Variants in RPL3L observed in about 807,000 individuals in gnomAD.
RPL3L encodes ribosomal protein L3 like, also known as ribosomal protein uL3-like.
RPL3L carries 44 observed loss-of-function variants against 44.5 expected under a neutral mutation model. That is an observed-to-expected ratio of 0.99 (90% CI 0.78 to 1.27). The LOEUF (loss-of-function observed/expected upper bound fraction) is 1.27. Among genes scored for constraint, RPL3L ranks in the 50% most tolerant of loss-of-function variants. The pLI, the probability that RPL3L is intolerant of heterozygous loss-of-function variation, is 0.00. For synonymous variants in RPL3L, 292 were observed against 230.7 expected (o/e 1.27, Z -2.41); for missense variants, 631 against 569.1 (o/e 1.11, Z -1.11).
chr16:1,954,117 C>G lies in RPL3L; in HGVS notation c.35G>C (p.Gly12Ala). 1 of 1,597,986 alleles carries G rather than the reference C, an allele frequency of 6.3e-7. No individual in the cohort carries two copies. Among genetic ancestry groups the G allele is most frequent in the Non-Finnish European group, 8.5e-7 (1 of 1,173,124 alleles). Residue 12 changes from glycine (G) to alanine (A), a missense_variant, in exon 2 of 10, where the codon GGA becomes GCA. By Grantham distance (60) the Gly-to-Ala change is moderately conservative. Coordinates refer to ENST00000268661, the MANE Select transcript of RPL3L (RefSeq NM_005061.3). ...CTTATGGGGCAGGAAGCCCAGGTGT[C>G]CGTGCCGAGGGGCGGAAAACTTCCG... Reference protein sequence around the residue: ...SHRKFSAPRHGHLGFLPHKRS... With the variant: ...SHRKFSAPRHAHLGFLPHKRS...
At position 1,946,679 on chromosome 16, in the gene RPL3L, C is replaced by T; in HGVS notation, c.897G>A (p.Val299=). Residue 299 remains valine, a synonymous_variant, in exon 7 of 10, where the codon GTG becomes GTA. Transcript: ENST00000268661. The part of the protein sequence containing the change: ...RGPHMEDGKL[V]KNNASTSYDV... ...CGTAGCTGGTGGATGCATTGTTCTTCACCAGCTTCCCGTCCTCCATGTGCG... is the reference window on the plus strand; with the variant it reads ...CGTAGCTGGTGGATGCATTGTTCTTTACCAGCTTCCCGTCCTCCATGTGCG... The T allele has an allele frequency of 6.2e-7, 1 of 1,612,856 alleles. No homozygotes were observed. The highest frequency in any genetic ancestry group is 8.5e-7 in the Non-Finnish European group (1 of 1,179,990).
Position 1,954,048 on chromosome 16 carries a change from T to A in RPL3L, c.104A>T (p.Asp35Val). The change falls in exon 2 of 10, where the codon GAT becomes GTT. Residue 35 changes from aspartate to valine, a missense_variant. Asp to Val is a radical substitution (Grantham distance 152). Transcript: ENST00000268661. ...GAGGTGCACGGGCTGGCTGGGGTCA[T>A]CCCGCGGCCACGTCTTCACCTTGCC... Reference protein sequence around the residue: ...HRGKVKTWPRDDPSQPVHLTA... With the variant: ...HRGKVKTWPRVDPSQPVHLTA... 6 of 1,607,674 alleles carry A rather than the reference T, an allele frequency of 3.7e-6. No individual in the cohort carries two copies. Among genetic ancestry groups the A allele is most frequent in the Non-Finnish European group, 4.2e-6 (5 of 1,177,792 alleles).
chr16:1,952,850 G>A (rs749898362), intron 3 of RPL3L, 24 bp downstream of exon 3: 27 of 1,612,274 alleles, frequency 1.7e-5, no homozygotes, highest in Middle Eastern at 1.7e-4. Context: ...GCCCTTGGAC[G>A]GCCCAGCCAA....
intron 4 of RPL3L, among the ~76,000 whole-genome samples, chr16:1,947,669 T>C (rs1251218117): frequency 6.6e-6 from 1 of 152,078 alleles, no homozygotes; most frequent in Non-Finnish European, 1.5e-5. Context: ...GGGCTGGTGT[T>C]TCAGATACAG....
rs151040206 is a variant in RPL3L, at chr16:1,945,564, T to C, written c.1102A>G (p.Ile368Val). ...TGGCCGAACTTGGAGGTGGTGTCAATGAACTTGAGCTCAATATTCTCCACG... is the reference window on the plus strand; with the variant it reads ...TGGCCGAACTTGGAGGTGGTGTCAACGAACTTGAGCTCAATATTCTCCACG... ...QAVENIELKF[I>V]DTTSKFGHGR... is the part of the protein sequence containing the mutation. The change falls in exon 9 of 10, where the codon ATT becomes GTT. Residue 368 changes from isoleucine to valine, a missense_variant. Transcript: ENST00000268661. 1.9e-6 allele frequency: 3 copies of C among 1,613,808 alleles called. No individual in the cohort carries two copies. Among genetic ancestry groups the C allele is most frequent in the Non-Finnish European group, 2.5e-6 (3 of 1,179,946 alleles).
chr16:1,952,950 G>T lies in RPL3L; in HGVS notation c.289C>A (p.Arg97=), dbSNP rs762972972. The change falls in exon 3 of 10, where the codon CGA becomes AGA. Residue 97 remains arginine, a synonymous_variant. Transcript: ENST00000268661. ...VGVVGYVATP[R]GLRSFKTIFA... ...ATGGTCTTGAAGCTCCGGAGACCTC[G>T]AGGGGTGGCCACGTAGCCCACCACG... 2 of 1,613,898 alleles carry T rather than the reference G, an allele frequency of 1.2e-6. No homozygotes were observed. Among genetic ancestry groups the T allele is most frequent in the East Asian group, 2.2e-5 (1 of 44,866 alleles).
At chr16:1,951,564 G>A (rs1039013335) in intron 3 of RPL3L, among the ~76,000 whole-genome samples, 6 of 151,678 alleles carry the variant, frequency 4.0e-5, no homozygotes, top group Non-Finnish European at 7.4e-5. Context: ...GTATTTTTTT[G>A]TAGAGACGGG....
At position 1,950,918 on chromosome 16, in the gene RPL3L, T is replaced by A; in HGVS notation, c.427A>T (p.Lys143Ter). ...GCGAAGTCCTTCTGTAGCTGCTTTT[T>A]CCCGTCTGTGTCCCGCCACCTCTTG... ...ACKRWRDTDG[K>*]KQLQKDFAAM... Residue 143 changes from lysine to a stop codon, truncating the protein, a stop_gained, in exon 4 of 10, where the codon AAA (lysine) becomes TAA (stop). Coordinates refer to ENST00000268661, the MANE Select transcript of RPL3L (RefSeq NM_005061.3). LOFTEE classifies it high-confidence loss of function. 1 of 1,614,082 alleles carries A rather than the reference T, an allele frequency of 6.2e-7. No individual in the cohort carries two copies. The highest frequency in any genetic ancestry group is 1.1e-5 in the South Asian group (1 of 91,088).
Position 1,947,480 on chromosome 16 carries a change from G to T in RPL3L, c.502-100C>A. On this transcript the variant is annotated intron_variant, in intron 4 of 9. Coordinates refer to ENST00000268661, the MANE Select transcript of RPL3L (RefSeq NM_005061.3). ...GTGACCCCTGCCGCCTTCCACGCAT[G>T]CATTCATTCACAGGTGTTCCCAGGA... The T allele has an allele frequency of 2.2e-6, 3 of 1,333,766 alleles. No individual in the cohort carries two copies. The Admixed American group carries it at 8.4e-5, about 37-fold the overall frequency. The allele number at this position is 1,333,766 out of a possible 1,614,324, so 82.6% of individuals were successfully genotyped here.
intron 4 of RPL3L, among the ~76,000 whole-genome samples, chr16:1,948,711 G>T (rs866481649): frequency 1.3e-3 from 178 of 132,376 alleles, no homozygotes; most frequent in Middle Eastern, 4.0e-3. Context: ...TTTTTTTTTT[G>T]TTTGTTTGTT....
chr16:1,952,989 G>T lies in RPL3L; in HGVS notation c.250C>A (p.Leu84Ile). Residue 84 changes from leucine (L) to isoleucine (I), a missense_variant, in exon 3 of 10, where the codon CTA (leucine) becomes ATA (isoleucine). By Grantham distance (5) the Leu-to-Ile change is conservative. Coordinates refer to ENST00000268661, the MANE Select transcript of RPL3L (RefSeq NM_005061.3). ...EAVTIVETPP[L>I]VVVGVVGYVA... The stretch of plus-strand genomic sequence containing the variant: ...TAGCCCACCACGCCCACCACCACTA[G>T]GGGCGGCGTTTCTACAATTGTCACC... The T allele has an allele frequency of 6.2e-7, 1 of 1,610,404 alleles. No individual in the cohort carries two copies. The highest frequency in any genetic ancestry group is 8.5e-7 in the Non-Finnish European group (1 of 1,178,826).
chr16:1,950,816 G>C (rs199542556), intron 4 of RPL3L, 28 bp downstream of exon 4: 1 of 1,613,848 alleles, frequency 6.2e-7, no homozygotes, highest in Non-Finnish European at 8.5e-7. Context: ...CCTAGGGACT[G>C]ACCGACAGCG....
intron 7 of RPL3L, 83 bp from the exon 8 acceptor site, chr16:1,946,013 G>C: frequency 8.2e-7 from 1 of 1,222,864 alleles, no homozygotes; most frequent in Non-Finnish European, 1.2e-6. Flanking sequence ...AGAACCCCCA[G>C]AGGGGGCAGT....
intron 4 of RPL3L, among the ~76,000 whole-genome samples, chr16:1,950,583 G>A (rs2083164964): frequency 6.6e-6 from 1 of 152,144 alleles, no homozygotes; most frequent in Admixed American, 6.5e-5. Context: ...ACACTTGGCT[G>A]GGGACCCGGC....
At position 1,944,150 on chromosome 16, in the gene RPL3L, A is replaced by C. The variant is rs1239196839; in HGVS notation, c.*687T>G. ...CAAAGACAGTAACAGCCCTTTCCCA[A>C]AGCAGACCACCTCCTTGCCTGGGGA... On this transcript the variant is annotated 3_prime_UTR_variant, in exon 10 of 10. Coordinates refer to ENST00000268661, the MANE Select transcript of RPL3L (RefSeq NM_005061.3). 6.6e-6 allele frequency: 1 copy of C among 152,210 alleles called. No homozygotes were observed. Among genetic ancestry groups the C allele is most frequent in the African/African-American group, 2.4e-5 (1 of 41,426 alleles). 9.4% of individuals were successfully genotyped at this position (152,210 alleles called of 1,614,324 possible). A position where few individuals can be genotyped will look rare whatever the true frequency, so the allele number is the denominator to read the frequency against.
chr16:1,951,726 CATTATTATTATTATTATTATTATT>C (rs71394716), intron 3 of RPL3L, among the ~76,000 whole-genome samples: 5 of 138,034 alleles, frequency 3.6e-5, no homozygotes, highest in Non-Finnish European at 4.6e-5. Context: ...GGGAGGTGGA[CATTATTATTATTATTATTATTATT>C]ATTATTATTA....
In RPL3L at chr16:1,947,118, G is replaced by A. The variant is rs750263206; in HGVS notation, c.689-20C>T. ...TGACCCCTGTGAGTGAGAGGGGCTG[G>A]TGGCTGAGAGGCCAGGCTGGTCCCC... On this transcript the variant is annotated intron_variant, in intron 5 of 9. Transcript: ENST00000268661. The A allele has an allele frequency of 1.2e-6, 2 of 1,613,360 alleles. No individual in the cohort carries two copies. Among genetic ancestry groups the A allele is most frequent in the South Asian group, 2.2e-5 (2 of 91,086 alleles).
intron 6 of RPL3L, 90 bp from the exon 7 acceptor site, chr16:1,946,816 G>T: frequency 2.5e-6 from 4 of 1,575,566 alleles, no homozygotes; most frequent in Non-Finnish European, 3.5e-6. Context: ...CTCAGACTCA[G>T]TGCTGGTGGG....
At chr16:1,951,064 C>A in intron 3 of RPL3L, 85 bp from the exon 4 acceptor site, 6 of 1,535,370 alleles carry the variant, frequency 3.9e-6, no homozygotes, top group East Asian at 2.3e-5. Flanking sequence ...ACCCCCAGCC[C>A]ACCAAGCAGG....
Sources: gnomAD v4.1 joint callset for allele counts (sites outside exome capture counted in the v4.1 genomes callset) on GRCh38, gnomAD v4.1.1 for gene constraint, MANE v1.5 for transcripts, NCBI Gene and HGNC (gene_info 2026-07-23, HGNC 2026-07-21) for gene names.